The following CHL1 variants were observed in gnomAD, a reference collection of about 807,000 sequenced individuals.
CHL1 encodes the protein neural cell adhesion molecule L1-like protein.
A neutral mutation model predicts 141.9 loss-of-function variants in CHL1; 96 were observed. That is an observed-to-expected ratio of 0.68 (90% CI 0.57 to 0.80). The LOEUF is 0.80. Among genes scored for constraint, CHL1 ranks in the 30% least tolerant of loss-of-function variants. CHL1 has a pLI of 0.00. For missense variants in CHL1, 1,820 were observed against 1,457.2 expected (o/e 1.25, Z -4.05); for synonymous variants, 613 against 502.2 (o/e 1.22, Z -2.95).
rs1181990939 is a variant in CHL1, at chr3:390,804, G to A, written c.2574G>A (p.Leu858=). The part of the protein sequence containing the change: ...TVPKDRVHGR[L]KGYQINWWKT... ...CAAAGGACAGAGTACATGGACGTCT[G>A]AAAGGCTATCAGGTTTTTATCATCA... is the stretch of plus-strand genomic sequence containing the variant. Residue 858 remains leucine (L), a synonymous_variant, in exon 21 of 28, where the codon CTG becomes CTA. Transcript: ENST00000256509. 6.2e-7 allele frequency: 1 copy of A among 1,601,474 alleles called. No individual in the cohort carries two copies. Among genetic ancestry groups the A allele is most frequent in the Non-Finnish European group, 8.6e-7 (1 of 1,168,650 alleles).
At chr3:311,975 T>C (rs1403645095) in intron 2 of CHL1, among the ~76,000 whole-genome samples, 1 of 152,158 alleles carries the variant, frequency 6.6e-6, no homozygotes, top group Admixed American at 6.5e-5. Flanking sequence ...GTGAAACAAT[T>C]TGAATTAGAT....
intron 2 of CHL1, among the ~76,000 whole-genome samples, chr3:314,327 G>GTATGTATGTA (rs1410311860): frequency 3.5e-5 from 2 of 57,024 alleles, no homozygotes; most frequent in African/African-American, 1.1e-4. Flanking sequence ...CTCTCTCTAT[G>GTATGTATGTA]TGTATATATA....
intron 1 of CHL1, among the ~76,000 whole-genome samples, chr3:241,393 T>A (rs7612619): frequency 0.47 from 71,170 of 152,050 alleles, 17,929 homozygotes; most frequent in Non-Finnish European, 0.55. Context: ...TACTTTGAAA[T>A]ATTAGATAAC....
intron 2 of CHL1, among the ~76,000 whole-genome samples, chr3:273,595 C>G (rs145277328): frequency 3.4e-4 from 52 of 152,200 alleles, no homozygotes; most frequent in African/African-American, 1.1e-3. Flanking sequence ...TCTATTCTCT[C>G]TCATTTTTTC....
chr3:333,337 C>G (rs1015027905), intron 5 of CHL1, among the ~76,000 whole-genome samples: 3 of 151,842 alleles, frequency 2.0e-5, no homozygotes, highest in Admixed American at 6.6e-5. Context: ...CGATTCTTCT[C>G]TTAAACTGTA....
rs760006126 is a variant in CHL1, at chr3:391,796, A to T, written c.2913A>T (p.Ile971=). ...CTGGCTATCTTTTGCAATATCAGAT[A>T]AGTAAGTAGAAATTTGAATTGGAGT... The part of the protein sequence containing the change: ...NLTGYLLQYQ[I]INDTYEIGEL... The change falls in exon 23 of 28, where the codon ATA becomes ATT. Residue 971 remains isoleucine (I), a splice_region_variant and synonymous_variant. Coordinates refer to ENST00000256509, the MANE Select transcript of CHL1 (RefSeq NM_006614.4). The T allele has an allele frequency of 1.9e-6, 3 of 1,578,612 alleles. No individual in the cohort carries two copies. The highest frequency in any genetic ancestry group is 2.7e-5 in the African/African-American group (2 of 73,008).
intron 2 of CHL1, among the ~76,000 whole-genome samples, chr3:286,166 C>T (rs1462840833): frequency 2.6e-5 from 4 of 152,150 alleles, no homozygotes; most frequent in African/African-American, 7.2e-5. Flanking sequence ...ATAACACCAC[C>T]CAGTTTGTCT....
chr3:354,669 A>C lies in CHL1; in HGVS notation c.1063A>C (p.Ser355Arg), dbSNP rs763659836. 4 of 1,613,626 alleles carry C rather than the reference A, an allele frequency of 2.5e-6. No individual in the cohort carries two copies. The East Asian group carries it at 6.7e-5, about 27-fold the overall frequency. Residue 355 changes from serine to arginine, a missense_variant, in exon 11 of 28, where the codon AGT becomes CGT. Coordinates refer to ENST00000256509, the MANE Select transcript of CHL1 (RefSeq NM_006614.4). ...EPPRWTKKPQ[S>R]AVYSTGSNGI... ...TCCTCGCTGGACAAAGAAGCCTCAG[A>C]GTGCTGTGTATAGCACCGGAAGCAA...
At chr3:296,839 T>C (rs1698231311) in intron 2 of CHL1, among the ~76,000 whole-genome samples, 1 of 152,204 alleles carries the variant, frequency 6.6e-6, no homozygotes, top group South Asian at 2.1e-4. Context: ...TATATTTCTT[T>C]AGGTTTGTTG....
At position 354,597 on chromosome 3, in the gene CHL1, G is replaced by C. The variant is rs543158707; in HGVS notation, c.1034-43G>C. 2.0e-5 allele frequency: 32 copies of C among 1,565,938 alleles called. No homozygotes were observed. In the Admixed American group the frequency reaches 4.3e-4, roughly 21 times the overall value. On this transcript the variant is annotated intron_variant, in intron 10 of 27. Coordinates refer to ENST00000256509, the MANE Select transcript of CHL1 (RefSeq NM_006614.4). ...AGGCCTTAACATTTTTGGACTTTTT[G>C]ACATAGATAACATCTCTCATGAGCT...
intron 1 of CHL1, chr3:198,203 T>G (rs1432508777): frequency 8.3e-5 from 14 of 167,998 alleles, no homozygotes; most frequent in South Asian, 2.6e-4. Context: ...AGGGCAGGTG[T>G]GCGTCGGCAG....
At chr3:405,195 G>T (rs1709443119) in intron 27 of CHL1, among the ~76,000 whole-genome samples, 1 of 152,110 alleles carries the variant, frequency 6.6e-6, no homozygotes, top group Non-Finnish European at 1.5e-5. Context: ...GACATCAACA[G>T]GTTGAATCCC....
intron 11 of CHL1, among the ~76,000 whole-genome samples, chr3:357,486 A>T (rs1284062325): frequency 6.6e-6 from 1 of 152,208 alleles, no homozygotes; most frequent in African/African-American, 2.4e-5. Flanking sequence ...AGACTCAGAG[A>T]GGTTACATTA....
rs1339587331 is a variant in CHL1, at chr3:407,112, TATGG to T, written c.*1403_*1406del. 1 of 152,108 alleles carries T rather than the reference TATGG, an allele frequency of 6.6e-6. No homozygotes were observed. Among genetic ancestry groups the T allele is most frequent in the African/African-American group, 2.4e-5 (1 of 41,446 alleles). The allele number at this position is 152,108 out of a possible 1,614,324, so 9.4% of individuals were successfully genotyped here. ...GTACATGAACATGTTTTAGAAACAA[TATGG>T]AGGATGATGCATACATGTCGGTCAA... is the stretch of plus-strand genomic sequence containing the variant. On this transcript the variant is annotated 3_prime_UTR_variant, in exon 28 of 28. Coordinates refer to ENST00000256509, the MANE Select transcript of CHL1 (RefSeq NM_006614.4).
At chr3:369,076 G>C (rs1317064941) in intron 15 of CHL1, among the ~76,000 whole-genome samples, 1 of 151,992 alleles carries the variant, frequency 6.6e-6, no homozygotes, top group African/African-American at 2.4e-5. Flanking sequence ...TGTCTATATG[G>C]GGTCTTCTTT....
intron 2 of CHL1, among the ~76,000 whole-genome samples, chr3:294,236 T>C (rs563684671): frequency 6.6e-6 from 1 of 152,174 alleles, no homozygotes; most frequent in Non-Finnish European, 1.5e-5. Context: ...GGAGAATCAC[T>C]TGAGCCTGGG....
At chr3:377,745 T>C in intron 15 of CHL1, 73 bp from the exon 16 acceptor site, 4 of 1,345,682 alleles carry the variant, frequency 3.0e-6, no homozygotes, top group Non-Finnish European at 4.1e-6. Flanking sequence ...GGAATATGCA[T>C]TTTTAAAAGA....
intron 2 of CHL1, among the ~76,000 whole-genome samples, chr3:257,354 T>C (rs906722709): frequency 1.8e-5 from 2 of 110,640 alleles, no homozygotes. Flanking sequence ...TTTCTTCTTC[T>C]TTTTTTTTTT....
intron 26 of CHL1, among the ~76,000 whole-genome samples, chr3:399,418 G>C (rs1398223040): frequency 2.6e-5 from 4 of 152,086 alleles, no homozygotes; most frequent in African/African-American, 9.7e-5. Context: ...GAGGTGGGCG[G>C]ATCATGAGGT....
Sources: allele counts gnomAD v4.1 joint callset (sites outside exome capture counted in the v4.1 genomes callset), GRCh38; gene constraint gnomAD v4.1.1; transcripts MANE v1.5; gene names NCBI Gene and HGNC (gene_info 2026-07-23, HGNC 2026-07-21).